The following DOCK4 variants were observed in gnomAD, a reference collection of about 807,000 sequenced individuals.
The protein encoded by DOCK4 is dedicator of cytokinesis protein 4.
Under a neutral mutation model 268.1 loss-of-function variants are expected in DOCK4, and 97 were observed. That is an observed-to-expected ratio of 0.36 (90% confidence interval 0.31 to 0.43). The LOEUF is 0.43. Ranked by LOEUF, DOCK4 falls within the 20% of genes least tolerant of loss-of-function variation. DOCK4 has a pLI of 1.00. For synonymous variants in DOCK4, 954 were observed against 887.2 expected, an observed-to-expected ratio of 1.08 and a Z score of -1.34; for missense variants, 2,145 against 2,455.7, an observed-to-expected ratio of 0.87 and a Z score of 2.67.
chr7:112,117,219 G>A (rs1213093921), intron 1 of DOCK4, among the ~76,000 whole-genome samples: 1 of 152,190 alleles, frequency 6.6e-6, no homozygotes, highest in Non-Finnish European at 1.5e-5. Flanking sequence ...CTCACAAGCT[G>A]CAGCCCTCTA....
intron 1 of DOCK4, among the ~76,000 whole-genome samples, chr7:112,156,879 A>G (rs1234508808): frequency 2.0e-5 from 3 of 152,242 alleles, no homozygotes; most frequent in South Asian, 2.1e-4. Context: ...TCAATAAAAT[A>G]TCATGTAGCT....
chr7:112,018,179 A>AAAAAAAAAAAAAAACAAC lies in DOCK4; in HGVS notation c.38-14049_38-14048insGTTGTTTTTTTTTTTTTT. 3.9e-4 allele frequency among the ~76,000 whole-genome samples: 28 copies of AAAAAAAAAAAAAAACAAC among 72,628 alleles called. 5 individuals carry two copies. The highest frequency in any genetic ancestry group is 2.4e-3 in the East Asian group (6 of 2,480). 47.6% of individuals were successfully genotyped at this position (72,628 alleles called of 152,430 possible). A position where few individuals can be genotyped will look rare whatever the true frequency, so the allele number is the denominator to read the frequency against. On this transcript the variant is annotated intron_variant, in intron 1 of 52. Coordinates refer to ENST00000428084, the MANE Select transcript of DOCK4 (RefSeq NM_001363540.2). ...AAAAAAAAAAAAAAAAAAAAAAAAAAACACAGGCAACCAGTATTCATGTGG... is the reference window on the plus strand; with the variant it reads ...AAAAAAAAAAAAAAAAAAAAAAAAAAAAAAAAAAAAAAAACAACACACAGGCAACCAGTATTCATGTGG...
rs869052136 is a variant in DOCK4 at position 111,762,762 on chromosome 7, CTTTTTT to C, written c.4020+2350_4020+2355del. Among the ~76,000 whole-genome samples, 289 of 63,088 alleles carry C rather than the reference CTTTTTT, an allele frequency of 4.6e-3. 4 individuals carry two copies. In the East Asian group the frequency reaches 0.06, roughly 13 times the overall value. 41.4% of individuals were successfully genotyped at this position (63,088 alleles called of 152,430 possible). A position where few individuals can be genotyped will look rare whatever the true frequency, so the allele number is the denominator to read the frequency against. Reference sequence around the variant, plus strand: ...TAAATAACCCATTTTGTTTTGTTTTCTTTTTTTTTTTTTTTTTTTTTTTTGGAGACA... The same window carrying C: ...TAAATAACCCATTTTGTTTTGTTTTCTTTTTTTTTTTTTTTTTTGGAGACA... On this transcript the variant is annotated intron_variant, in intron 39 of 52. Coordinates refer to ENST00000428084, the MANE Select transcript of DOCK4 (RefSeq NM_001363540.2).
intron 42 of DOCK4, among the ~76,000 whole-genome samples, chr7:111,750,689 T>C (rs1796574621): frequency 6.6e-6 from 1 of 151,994 alleles, no homozygotes; most frequent in Admixed American, 6.6e-5. Context: ...CTGGGAGGGG[T>C]CGCTGAGTCC....
chr7:111,900,330 T>C, intron 15 of DOCK4, 44 bp downstream of exon 15: 1 of 1,597,184 alleles, frequency 6.3e-7, no homozygotes, highest in South Asian at 1.1e-5. Flanking sequence ...AGCAGGATAC[T>C]CCAGCACAAT....
chr7:111,869,585 C>T lies in DOCK4; in HGVS notation c.2098G>A (p.Glu700Lys). 6.2e-7 allele frequency: 1 copy of T among 1,613,440 alleles called. No individual in the cohort carries two copies. Among genetic ancestry groups the T allele is most frequent in the Non-Finnish European group, 8.5e-7 (1 of 1,179,480 alleles). The part of the protein sequence containing the change: ...TEAERQEHIQ[E>K]VLKAQEYIFK... ...CAGCATGTTATCACCTTCAGCACCT[C>T]CTGGATATGCTCTTGCCGCTCTGCT... Residue 700 changes from glutamate (E) to lysine (K), a missense_variant, in exon 21 of 53, where the codon GAG becomes AAG. Glu to Lys is a moderately conservative substitution (Grantham distance 56). Coordinates refer to ENST00000428084, the MANE Select transcript of DOCK4 (RefSeq NM_001363540.2).
intron 1 of DOCK4, among the ~76,000 whole-genome samples, chr7:112,159,810 A>ATAC (rs1218882242): frequency 1.5e-4 from 23 of 149,258 alleles, no homozygotes; most frequent in African/African-American, 5.6e-4. Flanking sequence ...ATACTTATGT[A>ATAC]TAATAATACA....
In DOCK4 at chr7:111,989,872, C is replaced by T. The variant is rs1057466350; in HGVS notation, c.316-709G>A. Among the ~76,000 whole-genome samples the T allele has an allele frequency of 2.0e-5, 3 of 152,316 alleles. No individual in the cohort carries two copies. The South Asian group carries it at 6.2e-4, about 32-fold the overall frequency. Reference sequence around the variant, plus strand: ...TACAGACTTTAAGTACCAATTTTGTCATCTGTACATGGGCAGCACATTCTT... The same window carrying T: ...TACAGACTTTAAGTACCAATTTTGTTATCTGTACATGGGCAGCACATTCTT... On this transcript the variant is annotated intron_variant, in intron 5 of 52. Coordinates refer to ENST00000428084, the MANE Select transcript of DOCK4 (RefSeq NM_001363540.2).
intron 8 of DOCK4, among the ~76,000 whole-genome samples, chr7:111,948,050 A>G (rs193280261): frequency 2.0e-5 from 3 of 152,146 alleles, no homozygotes; most frequent in African/African-American, 7.2e-5. Context: ...AAAAACAATG[A>G]AAAGGAAATG....
intron 12 of DOCK4, among the ~76,000 whole-genome samples, chr7:111,926,541 AAGAGAAAG>A (rs1435181201): frequency 3.4e-5 from 5 of 148,724 alleles, no homozygotes; most frequent in African/African-American, 7.6e-5. Context: ...GAGAAAGAGA[AAGAGAAAG>A]AAAGGAAGGA....
intron 1 of DOCK4, among the ~76,000 whole-genome samples, chr7:112,072,511 G>C (rs569553720): frequency 6.6e-6 from 1 of 152,128 alleles, no homozygotes; most frequent in African/African-American, 2.4e-5. Context: ...ACAGTACAGA[G>C]ATTTCTCCAA....
chr7:111,966,049 T>A (rs1251678948), intron 8 of DOCK4, among the ~76,000 whole-genome samples: 26 of 35,430 alleles, frequency 7.3e-4, no homozygotes, highest in African/African-American at 5.5e-3. Context: ...TGGGACGCAT[T>A]CAAAGCAGTG....
At chr7:111,998,232 C>T (rs1484872142) in intron 4 of DOCK4, among the ~76,000 whole-genome samples, 1 of 152,148 alleles carries the variant, frequency 6.6e-6, no homozygotes, top group African/African-American at 2.4e-5. Flanking sequence ...TGAGAGACCT[C>T]CAGTCTCTCA....
chr7:112,112,785 G>T (rs1054107089), intron 1 of DOCK4, among the ~76,000 whole-genome samples: 1 of 152,096 alleles, frequency 6.6e-6, no homozygotes, highest in Non-Finnish European at 1.5e-5. Context: ...TCACACAAGA[G>T]GCCTCTCAAT....
At chr7:111,885,873 G>A (rs1787391908) in intron 16 of DOCK4, among the ~76,000 whole-genome samples, 1 of 152,146 alleles carries the variant, frequency 6.6e-6, no homozygotes, top group South Asian at 2.1e-4. Context: ...AGCAGCAGTA[G>A]TAGTCTCATC....
intron 1 of DOCK4, among the ~76,000 whole-genome samples, chr7:112,110,496 G>A (rs1811556689): frequency 6.6e-6 from 1 of 152,188 alleles, no homozygotes; most frequent in Non-Finnish European, 1.5e-5. Context: ...CTGCATCAGT[G>A]CCCTGACATT....
chr7:111,988,320 A>G (rs1328696405), intron 6 of DOCK4, among the ~76,000 whole-genome samples: 2 of 152,218 alleles, frequency 1.3e-5, no homozygotes, highest in African/African-American at 4.8e-5. Flanking sequence ...AAGGTGGCTT[A>G]TTCTAATTTC....
chr7:112,056,911 AT>A (rs1342086956), intron 1 of DOCK4, among the ~76,000 whole-genome samples: 1 of 152,148 alleles, frequency 6.6e-6, no homozygotes, highest in African/African-American at 2.4e-5. Context: ...TAGTTTTAAT[AT>A]TTTATTAAAC....
intron 3 of DOCK4, among the ~76,000 whole-genome samples, chr7:111,999,035 T>G (rs1800205920): frequency 6.6e-6 from 1 of 152,156 alleles, no homozygotes; most frequent in African/African-American, 2.4e-5. Context: ...GCTGCCATTC[T>G]GATGGAACAG....
Sources: gnomAD v4.1 joint callset for allele counts (sites outside exome capture counted in the v4.1 genomes callset) on GRCh38, gnomAD v4.1.1 for gene constraint, MANE v1.5 for transcripts, NCBI Gene and HGNC (gene_info 2026-07-23, HGNC 2026-07-21) for gene names.